ZNF738: variants seen among roughly 807,000 people sequenced by gnomAD.
The protein encoded by ZNF738 is zinc finger protein 738.
A neutral mutation model predicts 9.2 loss-of-function variants in ZNF738; 10 were observed. The observed-to-expected ratio is 1.09, with a 90% CI of 0.67 to 1.85. ZNF738 has a LOEUF of 1.85. ZNF738 is among the 40% of genes most tolerant of loss of function. The pLI, the probability that ZNF738 is intolerant of heterozygous loss-of-function variation, is 0.00. For missense variants in ZNF738, 346 were observed against 283.6 expected, an observed-to-expected ratio of 1.22 and a Z score of -1.58; for synonymous variants, 113 against 94.5, an observed-to-expected ratio of 1.20 and a Z score of -1.14.
At chr19:21,377,624 T>C (rs1973948102) in intron 4 of ZNF738, 1 of 474,726 alleles carries the variant, frequency 2.1e-6, no homozygotes, top group Non-Finnish European at 3.7e-6. Context: ...GTACTTTATG[T>C]AAGATATGAC....
At position 21,386,037 on chromosome 19, in the gene ZNF738, CTT is replaced by C. The variant is rs920476449; in HGVS notation, c.*2367_*2368del. Among the ~76,000 whole-genome samples the C allele has an allele frequency of 1.3e-5, 2 of 151,974 alleles. No homozygotes were observed. The highest frequency in any genetic ancestry group is 6.6e-5 in the Admixed American group (1 of 15,262). On this transcript the variant is annotated 3_prime_UTR_variant, in exon 5 of 5. Transcript: ENST00000683779. ...TACAAATATGAAGAATATCTCAAAACTTTTTATAGATTCTCATACCTTATTAA... is the reference window on the plus strand; with the variant it reads ...TACAAATATGAAGAATATCTCAAAACTTTATAGATTCTCATACCTTATTAA...
chr19:21,374,441 G>C (rs1429743082), intron 2 of ZNF738, among the ~76,000 whole-genome samples: 1 of 152,188 alleles, frequency 6.6e-6, no homozygotes, highest in East Asian at 1.9e-4. Context: ...GTGTTCTTCG[G>C]TGTGCGTCAG....
intron 4 of ZNF738, chr19:21,381,606 G>T (rs1286119943): frequency 2.0e-5 from 11 of 537,792 alleles, no homozygotes; most frequent in Non-Finnish European, 3.4e-5. Context: ...CCATACTCCT[G>T]CCTCAGCATC....
intron 4 of ZNF738, chr19:21,378,019 T>A (rs1973955215): frequency 2.5e-6 from 1 of 397,574 alleles, no homozygotes; most frequent in African/African-American, 2.1e-5. Context: ...ACAGGCATAT[T>A]CTTTGTGGTA....
chr19:21,376,265 C>G (rs1313836813), intron 4 of ZNF738: 1 of 229,650 alleles, frequency 4.4e-6, no homozygotes, highest in Admixed American at 5.0e-5. Context: ...ACTGCACAAT[C>G]TGACTGCATT....
intron 4 of ZNF738, among the ~76,000 whole-genome samples, chr19:21,382,115 G>T (rs1974014784): frequency 7.7e-6 from 1 of 130,500 alleles, no homozygotes; most frequent in Non-Finnish European, 1.5e-5. Flanking sequence ...GCCCAGGCTA[G>T]AGTGCAATGG....
At chr19:21,375,213 A>ATGTG (rs35659257) in intron 2 of ZNF738, 25 bp from the exon 3 acceptor site, 207,625 of 834,878 alleles carry the variant, frequency 0.25, 12,950 homozygotes, top group Non-Finnish European at 0.28. Flanking sequence ...ACTTGTAAAT[A>ATGTG]TGTGTGTGTG....
At chr19:21,379,008 T>C (rs1205139126) in intron 4 of ZNF738, 2 of 152,184 alleles carry the variant, frequency 1.3e-5, no homozygotes, top group African/African-American at 2.4e-5. Flanking sequence ...GTTTGTTTGT[T>C]CAGCTTCTTC....
At chr19:21,380,238 G>T (rs1416691310) in intron 4 of ZNF738, among the ~76,000 whole-genome samples, 7 of 152,142 alleles carry the variant, frequency 4.6e-5, no homozygotes, top group Non-Finnish European at 1.0e-4. Flanking sequence ...ACATAAAAGG[G>T]TTTTAAAATT....
At chr19:21,366,090 C>G (rs1341719765) in intron 2 of ZNF738, among the ~76,000 whole-genome samples, 1 of 152,082 alleles carries the variant, frequency 6.6e-6, no homozygotes, top group Non-Finnish European at 1.5e-5. Flanking sequence ...GAAGTCCTGT[C>G]AGCTCTCAAG....
chr19:21,381,785 G>T (rs1435034156), intron 4 of ZNF738: 1 of 282,896 alleles, frequency 3.5e-6, no homozygotes, highest in East Asian at 9.3e-5. Context: ...GAGCCACCGC[G>T]CCTGGCCAGG....
chr19:21,362,316 A>G (rs922229434), intron 2 of ZNF738, among the ~76,000 whole-genome samples: 13 of 152,178 alleles, frequency 8.5e-5, no homozygotes, highest in African/African-American at 3.1e-4. Context: ...AGTGAAAAAT[A>G]TGTGACCAAA....
chr19:21,379,832 C>T lies in ZNF738; in HGVS notation c.320-3034C>T, dbSNP rs1471227948. Among the ~76,000 whole-genome samples, 2 of 152,004 alleles carry T rather than the reference C, an allele frequency of 1.3e-5. 1 individual carries two copies. Among genetic ancestry groups the T allele is most frequent in the South Asian group, 4.1e-4 (2 of 4,826 alleles). ...CTCATGAGCATTTACATAAAACTAC[C>T]GCTCTAGGTTTTGGTGTGTTTTGTG... is the stretch of plus-strand genomic sequence containing the variant. On this transcript the variant is annotated intron_variant, in intron 4 of 4. Coordinates refer to ENST00000683779, the MANE Select transcript of ZNF738 (RefSeq NM_001355237.2).
At chr19:21,367,241 G>T (rs1176437993) in intron 2 of ZNF738, among the ~76,000 whole-genome samples, 1 of 151,938 alleles carries the variant, frequency 6.6e-6, no homozygotes, top group Non-Finnish European at 1.5e-5. Context: ...TCTTCTATTT[G>T]ACTTTCCTCA....
chr19:21,380,263 TAAAATA>T (rs1796680768), intron 4 of ZNF738, among the ~76,000 whole-genome samples: 1 of 152,098 alleles, frequency 6.6e-6, no homozygotes, highest in Non-Finnish European at 1.5e-5. Flanking sequence ...CCACTCAAAA[TAAAATA>T]AAAATAATAT....
rs182736108 is a variant in ZNF738 at position 21,384,148 on chromosome 19, C to T, written c.*474C>T. ...CTTACTACACATAAGATGATTCATA[C>T]TGTAGAGAAACGCTACAAATGTGAG... On this transcript the variant is annotated 3_prime_UTR_variant, in exon 5 of 5. Coordinates refer to ENST00000683779, the MANE Select transcript of ZNF738 (RefSeq NM_001355237.2). The T allele has an allele frequency of 9.5e-6, 14 of 1,471,978 alleles. No homozygotes were observed. The East Asian group carries it at 2.7e-4, about 29-fold the overall frequency. The allele number at this position is 1,471,978 out of a possible 1,614,324, so 91.2% of individuals were successfully genotyped here.
intron 2 of ZNF738, among the ~76,000 whole-genome samples, chr19:21,368,143 A>G (rs1973810372): frequency 6.6e-6 from 1 of 152,152 alleles, no homozygotes; most frequent in African/African-American, 2.4e-5. Context: ...GGTTTGTTAT[A>G]TAGGTAAAAT....
chr19:21,385,479 A>T lies in ZNF738; in HGVS notation c.*1805A>T, dbSNP rs1269541766. Among the ~76,000 whole-genome samples the T allele has an allele frequency of 1.3e-5, 2 of 151,630 alleles. No individual in the cohort carries two copies. The highest frequency in any genetic ancestry group is 4.8e-5 in the African/African-American group (2 of 41,334). The stretch of plus-strand genomic sequence containing the variant: ...TCCAAAAAAATAAATAAATAAATAA[A>T]AAAAATAAGAGAGTTCATACTAGAG... On this transcript the variant is annotated 3_prime_UTR_variant, in exon 5 of 5. Transcript: ENST00000683779.
intron 2 of ZNF738, among the ~76,000 whole-genome samples, chr19:21,362,324 A>G (rs1421816339): frequency 1.3e-5 from 2 of 152,106 alleles, no homozygotes; most frequent in East Asian, 1.9e-4. Flanking sequence ...ATATGTGACC[A>G]AAAAAATAGT....
Sources: gnomAD v4.1 joint callset for allele counts (sites outside exome capture counted in the v4.1 genomes callset) on GRCh38, gnomAD v4.1.1 for gene constraint, MANE v1.5 for transcripts, NCBI Gene and HGNC (gene_info 2026-07-23, HGNC 2026-07-21) for gene names.